The following PPFIBP1 variants were observed in gnomAD, a reference collection of about 807,000 sequenced individuals.
PPFIBP1 encodes the protein PPFIB scaffold protein 1.
In PPFIBP1, 112 loss-of-function variants were observed where a neutral mutation model predicts 137.8. The observed-to-expected ratio is 0.81, with a 90% CI of 0.70 to 0.95. The LOEUF (loss-of-function observed/expected upper bound fraction) is 0.95, where lower values mean the gene tolerates loss of function less well. Ranked by LOEUF, PPFIBP1 falls within the 40% of genes least tolerant of loss-of-function variation. PPFIBP1 has a pLI of 0.00. For missense variants in PPFIBP1, 1,083 were observed against 1,196.6 expected (o/e 0.91, Z 1.40); for synonymous variants, 378 against 417.3 (o/e 0.91, Z 1.15).
intron 19 of PPFIBP1, among the ~76,000 whole-genome samples, chr12:27,678,418 C>T (rs1330836106): frequency 6.6e-6 from 1 of 152,128 alleles, no homozygotes; most frequent in East Asian, 1.9e-4. Flanking sequence ...GATTGGAATA[C>T]ATTTCAAAAA....
At chr12:27,674,905 T>G (rs1206013249) in intron 17 of PPFIBP1, among the ~76,000 whole-genome samples, 1 of 150,272 alleles carries the variant, frequency 6.7e-6, no homozygotes, top group East Asian at 2.0e-4. Flanking sequence ...CTCGATTTCC[T>G]GGGCTCAGGT....
chr12:27,612,926 ACATCATCAT>A (rs71039826), intron 2 of PPFIBP1, among the ~76,000 whole-genome samples: 95,342 of 148,860 alleles, frequency 0.64, 32,165 homozygotes, highest in East Asian at 0.87. Flanking sequence ...TAGATAATAC[ACATCATCAT>A]CATCATCATC....
chr12:27,659,923 A>G (rs1485312792), intron 10 of PPFIBP1, among the ~76,000 whole-genome samples: 1 of 152,148 alleles, frequency 6.6e-6, no homozygotes, highest in East Asian at 1.9e-4. Flanking sequence ...CATCTGAATG[A>G]CAGAGGAAGA....
chr12:27,659,404 G>A (rs61917473), intron 10 of PPFIBP1, among the ~76,000 whole-genome samples: 14,796 of 151,730 alleles, frequency 0.098, 915 homozygotes, highest in Non-Finnish European at 0.14. Flanking sequence ...TGAGGCCAGG[G>A]GTTCAAGACC....
At chr12:27,600,780 T>G (rs1452991833) in intron 2 of PPFIBP1, among the ~76,000 whole-genome samples, 1 of 152,212 alleles carries the variant, frequency 6.6e-6, no homozygotes, top group Admixed American at 6.5e-5. Context: ...ACTTAGTACT[T>G]AATACTACTG....
At chr12:27,577,508 G>A (rs1467467854) in intron 1 of PPFIBP1, among the ~76,000 whole-genome samples, 1 of 152,104 alleles carries the variant, frequency 6.6e-6, no homozygotes, top group Non-Finnish European at 1.5e-5. Flanking sequence ...TGAAGAGAGG[G>A]CATCTCAAAA....
chr12:27,625,228 C>A (rs551364320), intron 2 of PPFIBP1, among the ~76,000 whole-genome samples: 1 of 151,996 alleles, frequency 6.6e-6, no homozygotes, highest in Admixed American at 6.5e-5. Context: ...CCAGCCTGGG[C>A]GATAAAATGA....
intron 2 of PPFIBP1, among the ~76,000 whole-genome samples, chr12:27,583,018 T>TAG: frequency 6.6e-6 from 1 of 152,226 alleles, no homozygotes; most frequent in African/African-American, 2.4e-5. Context: ...TTGACATAGT[T>TAG]AGGCTATTTG....
Position 27,685,663 on chromosome 12 carries a change from G to T in PPFIBP1, c.2248-1722G>T, listed in dbSNP as rs148023644. On this transcript the variant is annotated intron_variant, in intron 24 of 29. Coordinates refer to ENST00000228425, the MANE Select transcript of PPFIBP1 (RefSeq NM_003622.4). ...GTCACAAAATATGTGTTTTAATGTGGATTAGATCCTGGAACAGAAGAAGGA... is the reference window on the plus strand; with the variant it reads ...GTCACAAAATATGTGTTTTAATGTGTATTAGATCCTGGAACAGAAGAAGGA... Among the ~76,000 whole-genome samples, 807 of 152,234 alleles carry T rather than the reference G, an allele frequency of 5.3e-3. 2 individuals are homozygous for T. The highest frequency in any genetic ancestry group is 0.016 in the Admixed American group (241 of 15,282).
intron 9 of PPFIBP1, among the ~76,000 whole-genome samples, chr12:27,658,169 C>A (rs1268227385): frequency 6.7e-6 from 1 of 149,652 alleles, no homozygotes; most frequent in Non-Finnish European, 1.5e-5. Context: ...AATAAAATGG[C>A]ATCACAGGAC....
chr12:27,533,189 G>T (rs1434814273), intron 1 of PPFIBP1, among the ~76,000 whole-genome samples: 1 of 152,100 alleles, frequency 6.6e-6, no homozygotes, highest in East Asian at 1.9e-4. Context: ...ATTTTAATGG[G>T]AAATATGAGT....
chr12:27,598,538 CTGTGTGTG>C lies in PPFIBP1; in HGVS notation c.-36+20331_-36+20338del, dbSNP rs71039825. Among the ~76,000 whole-genome samples the C allele has an allele frequency of 1.1e-3, 169 of 150,836 alleles. 2 individuals carry two copies. The highest frequency in any genetic ancestry group is 5.5e-3 in the East Asian group (28 of 5,128). The stretch of plus-strand genomic sequence containing the variant: ...CCATATCTGATATATTCTCTATAAT[CTGTGTGTG>C]TGTGTGTGTGTGTGTGTGTGTGTGT... On this transcript the variant is annotated intron_variant, in intron 2 of 29. Coordinates refer to ENST00000228425, the MANE Select transcript of PPFIBP1 (RefSeq NM_003622.4).
At chr12:27,550,716 C>T (rs187760641) in intron 1 of PPFIBP1, among the ~76,000 whole-genome samples, 36 of 152,198 alleles carry the variant, frequency 2.4e-4, no homozygotes, top group Admixed American at 5.9e-4. Context: ...TTAAAATTAA[C>T]GAAATGTGGT....
At chr12:27,634,622 A>G (rs536431080) in intron 3 of PPFIBP1, among the ~76,000 whole-genome samples, 1 of 152,218 alleles carries the variant, frequency 6.6e-6, no homozygotes, top group South Asian at 2.1e-4. Flanking sequence ...CATCATCTTC[A>G]TGAGGCCAGC....
chr12:27,619,617 C>T (rs2056135362), intron 2 of PPFIBP1, among the ~76,000 whole-genome samples: 1 of 152,172 alleles, frequency 6.6e-6, no homozygotes, highest in South Asian at 2.1e-4. Context: ...AGTAAATGGC[C>T]ACTCCATCCT....
rs1469047323 is a variant in PPFIBP1 at position 27,627,617 on chromosome 12, A to C, written c.-35-5745A>C. ...TTTTCTTATGGCCTTTCTTTTCTTC[A>C]CAGGAAGACTGGGCAGTGAGCCTGA... On this transcript the variant is annotated intron_variant, in intron 2 of 29. Coordinates refer to ENST00000228425, the MANE Select transcript of PPFIBP1 (RefSeq NM_003622.4). Among the ~76,000 whole-genome samples, 3 of 152,260 alleles carry C rather than the reference A, an allele frequency of 2.0e-5. No homozygotes were observed. The South Asian group carries it at 6.2e-4, about 32-fold the overall frequency.
intron 2 of PPFIBP1, among the ~76,000 whole-genome samples, chr12:27,594,610 T>C (rs1402405445): frequency 6.6e-6 from 1 of 152,238 alleles, no homozygotes; most frequent in Non-Finnish European, 1.5e-5. Context: ...TAATCCTCTC[T>C]ACTAAGCATC....
chr12:27,682,496 C>T lies in PPFIBP1; in HGVS notation c.2156C>T (p.Thr719Ile). ...GGGAAGCTGGATTTCAACTGGGTCA[C>T]TAGTAAGAAGTTTTTATTCTAACAA... ...NHGKLDFNWV[T>I]RWLDDIGLPQ... Residue 719 changes from threonine (T) to isoleucine (I), a missense_variant and splice_region_variant, in exon 23 of 30, where the codon ACT becomes ATT. Thr to Ile is a moderately conservative substitution (Grantham distance 89). Coordinates refer to ENST00000228425, the MANE Select transcript of PPFIBP1 (RefSeq NM_003622.4). 1.9e-6 allele frequency: 3 copies of T among 1,612,142 alleles called. No homozygotes were observed. Among genetic ancestry groups the T allele is most frequent in the Non-Finnish European group, 2.5e-6 (3 of 1,178,362 alleles).
intron 4 of PPFIBP1, among the ~76,000 whole-genome samples, chr12:27,642,226 T>G (rs2058160769): frequency 6.6e-6 from 1 of 152,244 alleles, no homozygotes; most frequent in Non-Finnish European, 1.5e-5. Flanking sequence ...AGTTGAGTTA[T>G]ATCTCCCCCA....
Sources: gnomAD v4.1 joint callset for allele counts (sites outside exome capture counted in the v4.1 genomes callset) on GRCh38, gnomAD v4.1.1 for gene constraint, MANE v1.5 for transcripts, NCBI Gene and HGNC (gene_info 2026-07-23, HGNC 2026-07-21) for gene names.